Variants in PTPRD observed in about 807,000 individuals in gnomAD.
The protein encoded by PTPRD is receptor-type tyrosine-protein phosphatase delta.
PTPRD carries 34 observed loss-of-function variants against 214.5 expected under a neutral mutation model. That is an observed-to-expected ratio of 0.16 (90% CI 0.12 to 0.21). The LOEUF (loss-of-function observed/expected upper bound fraction) is 0.21, where lower values mean the gene tolerates loss of function less well. Among genes scored for constraint, PTPRD ranks in the 10% least tolerant of loss-of-function variants. PTPRD has a pLI of 1.00. For synonymous variants in PTPRD, 1,128 were observed against 845.7 expected, an observed-to-expected ratio of 1.33 and a Z score of -5.79; for missense variants, 2,545 against 2,398.7, an observed-to-expected ratio of 1.06 and a Z score of -1.27.
intron 11 of PTPRD, among the ~76,000 whole-genome samples, chr9:8,795,208 A>C (rs1363515147): frequency 1.3e-5 from 2 of 151,934 alleles, no homozygotes; most frequent in Non-Finnish European, 2.9e-5. Flanking sequence ...TCTGTCACCC[A>C]GGCTGGAGTG....
At chr9:8,748,531 AAAAAAAAAAG>A (rs1363683417) in intron 11 of PTPRD, among the ~76,000 whole-genome samples, 4,241 of 144,692 alleles carry the variant, frequency 0.029, 122 homozygotes, top group African/African-American at 0.063. Context: ...GCAAAAAAAA[AAAAAAAAAAG>A]AAAAAGAAAA....
chr9:8,469,225 C>T (rs1286799182), intron 31 of PTPRD, among the ~76,000 whole-genome samples: 1 of 152,066 alleles, frequency 6.6e-6, no homozygotes, highest in Non-Finnish European at 1.5e-5. Context: ...TAGCCCTATA[C>T]TTTAATCCAT....
At chr9:8,884,497 A>G (rs1202261504) in intron 11 of PTPRD, among the ~76,000 whole-genome samples, 1 of 152,180 alleles carries the variant, frequency 6.6e-6, no homozygotes, top group African/African-American at 2.4e-5. Flanking sequence ...GGACTAAGTG[A>G]TGAGACTAGA....
intron 11 of PTPRD, among the ~76,000 whole-genome samples, chr9:8,890,873 G>T (rs1482286904): frequency 2.0e-5 from 3 of 152,086 alleles, no homozygotes; most frequent in Non-Finnish European, 4.4e-5. Flanking sequence ...GCGTGAGAAG[G>T]CCACGTTCAG....
intron 12 of PTPRD, among the ~76,000 whole-genome samples, chr9:8,679,285 T>C (rs1023288127): frequency 1.3e-5 from 2 of 152,342 alleles, no homozygotes; most frequent in Middle Eastern, 3.4e-3. Context: ...CTTGATACGA[T>C]TTCTGATCTG....
chr9:9,146,843 G>A (rs1446127285), intron 10 of PTPRD, among the ~76,000 whole-genome samples: 1 of 152,102 alleles, frequency 6.6e-6, no homozygotes, highest in Non-Finnish European at 1.5e-5. Flanking sequence ...TTTATAAATA[G>A]GTGGACCATT....
intron 41 of PTPRD, among the ~76,000 whole-genome samples, 174 bp from the exon 42 acceptor site, chr9:8,340,643 G>T (rs899350198): frequency 6.6e-6 from 1 of 152,064 alleles, no homozygotes; most frequent in African/African-American, 2.4e-5. Context: ...AATACATTTT[G>T]GGGACTTCGC....
intron 11 of PTPRD, among the ~76,000 whole-genome samples, chr9:8,870,524 G>T: frequency 6.6e-6 from 1 of 152,024 alleles, no homozygotes; most frequent in East Asian, 1.9e-4. Context: ...AATTCTTTTG[G>T]TTCACCACCC....
At chr9:10,490,033 T>C (rs1311746595) in intron 2 of PTPRD, among the ~76,000 whole-genome samples, 1 of 152,182 alleles carries the variant, frequency 6.6e-6, no homozygotes, top group African/African-American at 2.4e-5. Flanking sequence ...AGTTGTTAAA[T>C]TGGTGTCCTT....
intron 11 of PTPRD, among the ~76,000 whole-genome samples, chr9:8,779,123 T>C (rs2095597683): frequency 6.6e-6 from 1 of 152,166 alleles, no homozygotes; most frequent in Admixed American, 6.6e-5. Context: ...AGTCCCTTTA[T>C]ACCCTGATGG....
chr9:9,881,066 T>C lies in PTPRD; in HGVS notation c.-368+57441A>G, dbSNP rs749071163. Among the ~76,000 whole-genome samples, 14 of 152,156 alleles carry C rather than the reference T, an allele frequency of 9.2e-5. 1 individual carries two copies. The highest frequency in any genetic ancestry group is 3.1e-4 in the African/African-American group (13 of 41,446). The stretch of plus-strand genomic sequence containing the variant: ...TACGAGAATGTCTGGAAAAGTCTCA[T>C]TAGCCATTTTGGAAGGGTATATTCT... On this transcript the variant is annotated intron_variant, in intron 5 of 45. Coordinates refer to ENST00000381196, the MANE Select transcript of PTPRD (RefSeq NM_002839.4).
intron 4 of PTPRD, among the ~76,000 whole-genome samples, chr9:10,030,414 G>A (rs548188499): frequency 6.6e-6 from 1 of 152,148 alleles, no homozygotes; most frequent in African/African-American, 2.4e-5. Context: ...CTATCGAATA[G>A]ATATGTTGAT....
intron 11 of PTPRD, among the ~76,000 whole-genome samples, chr9:8,962,475 A>G (rs1433748955): frequency 6.6e-6 from 1 of 152,076 alleles, no homozygotes; most frequent in Non-Finnish European, 1.5e-5. Context: ...CATCTTCCCT[A>G]CCAAATGACT....
intron 29 of PTPRD, 130 bp downstream of exon 29, chr9:8,485,097 G>A (rs1396690985): frequency 2.9e-6 from 2 of 690,082 alleles, no homozygotes; most frequent in South Asian, 3.8e-5. Context: ...CCATGTGAAA[G>A]TCACAAATGA....
At chr9:8,624,843 G>A (rs981705738) in intron 14 of PTPRD, among the ~76,000 whole-genome samples, 4 of 151,664 alleles carry the variant, frequency 2.6e-5, no homozygotes, top group African/African-American at 7.3e-5. Context: ...CTTTCCCTTT[G>A]CCTCGACTTC....
chr9:8,696,377 C>T (rs1477612664), intron 12 of PTPRD, among the ~76,000 whole-genome samples: 1 of 152,158 alleles, frequency 6.6e-6, no homozygotes, highest in Non-Finnish European at 1.5e-5. Context: ...TATTGAACAC[C>T]TACTTGCACT....
chr9:9,565,593 T>C (rs1329980083), intron 8 of PTPRD, among the ~76,000 whole-genome samples: 1 of 151,940 alleles, frequency 6.6e-6, no homozygotes, highest in Non-Finnish European at 1.5e-5. Flanking sequence ...ATTTTTAACA[T>C]ATAAGAAATA....
chr9:8,948,279 A>C, intron 11 of PTPRD, among the ~76,000 whole-genome samples: 1 of 146,806 alleles, frequency 6.8e-6, no homozygotes. Flanking sequence ...CAGCCTCCCA[A>C]AGTGCTGGGA....
At chr9:8,983,852 C>T (rs2099326623) in intron 11 of PTPRD, among the ~76,000 whole-genome samples, 1 of 151,914 alleles carries the variant, frequency 6.6e-6, no homozygotes, top group South Asian at 2.1e-4. Context: ...CTATAACTAT[C>T]TAATCTAGGT....
Sources: allele counts gnomAD v4.1 joint callset (sites outside exome capture counted in the v4.1 genomes callset), GRCh38; gene constraint gnomAD v4.1.1; transcripts MANE v1.5; gene names NCBI Gene and HGNC (gene_info 2026-07-23, HGNC 2026-07-21).